Variants in KIRREL1 observed in about 807,000 individuals in gnomAD.
KIRREL1 encodes the protein kirre like nephrin family adhesion molecule 1.
A neutral mutation model predicts 83.3 loss-of-function variants in KIRREL1; 25 were observed. That is an observed-to-expected ratio of 0.30 (90% CI 0.22 to 0.42). The LOEUF is 0.42. Ranked by LOEUF, KIRREL1 falls within the 10% of genes least tolerant of loss-of-function variation. The pLI, the probability that KIRREL1 is intolerant of heterozygous loss-of-function variation, is 1.00. For synonymous variants in KIRREL1, 388 were observed against 410.4 expected (o/e 0.95, Z 0.66); for missense variants, 812 against 1,032.3 (o/e 0.79, Z 2.92).
Position 158,094,296 on chromosome 1 carries a change from C to G in KIRREL1, c.1720-17C>G. 1 of 1,593,128 alleles carries G rather than the reference C, an allele frequency of 6.3e-7. No homozygotes were observed. Among genetic ancestry groups the G allele is most frequent in the Non-Finnish European group, 8.5e-7 (1 of 1,170,754 alleles). On this transcript the variant is annotated splice_polypyrimidine_tract_variant and intron_variant, in intron 13 of 14. Transcript: ENST00000359209. The surrounding 1 kb of genome is among the most constrained non-coding windows in gnomAD (Gnocchi z 4.6). ...AGGGCTTCCGTCTGCTGACGTCCCACTCCTGCTGCTCCACAGTCGTTTAAG... is the reference window on the plus strand; with the variant it reads ...AGGGCTTCCGTCTGCTGACGTCCCAGTCCTGCTGCTCCACAGTCGTTTAAG...
At chr1:158,018,120 C>G (rs1295702883) in intron 1 of KIRREL1, among the ~76,000 whole-genome samples, 1 of 151,960 alleles carries the variant, frequency 6.6e-6, no homozygotes, top group Non-Finnish European at 1.5e-5. Context: ...GCCAGAGAGT[C>G]TTGTCCTTTT....
chr1:158,049,999 A>G (rs963068861), intron 1 of KIRREL1, among the ~76,000 whole-genome samples: 1 of 152,158 alleles, frequency 6.6e-6, no homozygotes, highest in Non-Finnish European at 1.5e-5. Flanking sequence ...ATGGTGAGCA[A>G]TTCCTGGAAA....
intron 4 of KIRREL1, 84 bp from the exon 5 acceptor site, chr1:158,086,512 A>G: frequency 7.0e-7 from 1 of 1,422,042 alleles, no homozygotes; most frequent in Non-Finnish European, 9.6e-7. Context: ...CTCCAGCCCA[A>G]GCCCATCTCT....
intron 1 of KIRREL1, among the ~76,000 whole-genome samples, chr1:158,033,080 A>G (rs544823750): frequency 1.9e-4 from 28 of 149,604 alleles, no homozygotes; most frequent in African/African-American, 5.9e-4. Flanking sequence ...CGGGATCCTC[A>G]CTTTCTTCTT....
chr1:158,036,546 T>C (rs1394955791), intron 1 of KIRREL1, among the ~76,000 whole-genome samples: 3 of 152,176 alleles, frequency 2.0e-5, no homozygotes, highest in Admixed American at 1.3e-4. Context: ...TTCCAGGTTT[T>C]GGCAGGACCT....
At chr1:157,999,219 A>G (rs1398625964) in intron 1 of KIRREL1, among the ~76,000 whole-genome samples, 2 of 152,178 alleles carry the variant, frequency 1.3e-5, no homozygotes, top group African/African-American at 4.8e-5. Flanking sequence ...ATCATTTGTG[A>G]AGCAAAACTT....
intron 1 of KIRREL1, among the ~76,000 whole-genome samples, chr1:158,017,773 C>A (rs1312270147): frequency 2.0e-5 from 3 of 146,848 alleles, no homozygotes; most frequent in Non-Finnish European, 3.0e-5. Context: ...TTTTTTTAAA[C>A]CTCTTTCCTA....
chr1:158,093,579 G>C, intron 12 of KIRREL1, 44 bp from the exon 13 acceptor site: 1 of 1,613,060 alleles, frequency 6.2e-7, no homozygotes, highest in Non-Finnish European at 8.5e-7. Context: ...CCGCTGCAGA[G>C]ACCAGCAGGA....
chr1:158,065,151 T>C (rs1171238219), intron 1 of KIRREL1, among the ~76,000 whole-genome samples: 2 of 152,006 alleles, frequency 1.3e-5, no homozygotes, highest in Admixed American at 1.3e-4. Flanking sequence ...GCCCAGCTCT[T>C]TGTGGATTTC....
chr1:158,094,354 C>T lies in KIRREL1; in HGVS notation c.1761C>T (p.Cys587=), dbSNP rs544161764. The T allele has an allele frequency of 2.1e-5, 34 of 1,612,132 alleles. No homozygotes were observed. The highest frequency in any genetic ancestry group is 5.0e-5 in the Admixed American group (3 of 59,744). ...DDVDLKQDLR[C]DTIDTREEYE... ...TGGATCTGAAGCAGGACCTGCGCTG[C>T]GACACCATCGACACCCGGGAGGAGT... The change falls in exon 14 of 15, where the codon TGC becomes TGT. Residue 587 remains cysteine, a synonymous_variant. Coordinates refer to ENST00000359209, the MANE Select transcript of KIRREL1 (RefSeq NM_018240.7). The surrounding 1 kb of genome is among the most constrained non-coding windows in gnomAD (Gnocchi z 4.6).
chr1:158,091,484 C>A lies in KIRREL1; in HGVS notation c.1399C>A (p.Gln467Lys). ...TINNVMEADF[Q>K]THYNCTAWNS... is the part of the protein sequence containing the mutation. ...CAACAATGTCATGGAGGCCGACTTT[C>A]AGACTCACTACAACTGCACCGCCTG... The change falls in exon 11 of 15, where the codon CAG becomes AAG. Residue 467 changes from glutamine to lysine, a missense_variant. Around this residue, in one of 3 missense-constraint regions of KIRREL1, gnomAD observed 472 missense variants for 626.8 expected, o/e 0.75. Transcript: ENST00000359209. The A allele has an allele frequency of 6.2e-7, 1 of 1,614,280 alleles. No individual in the cohort carries two copies. Among genetic ancestry groups the A allele is most frequent in the Non-Finnish European group, 8.5e-7 (1 of 1,180,052 alleles).
intron 1 of KIRREL1, among the ~76,000 whole-genome samples, chr1:158,071,540 G>A (rs949636578): frequency 6.6e-6 from 1 of 152,204 alleles, no homozygotes; most frequent in Non-Finnish European, 1.5e-5. Flanking sequence ...CTCACTGGCT[G>A]GCCCCAGACT....
chr1:158,059,231 C>G (rs7552600), intron 1 of KIRREL1, among the ~76,000 whole-genome samples: 3 of 152,002 alleles, frequency 2.0e-5, no homozygotes, highest in African/African-American at 7.2e-5. Flanking sequence ...TCTGCAGGAA[C>G]GTGCCTCTTC....
intron 1 of KIRREL1, among the ~76,000 whole-genome samples, chr1:158,020,600 C>CAAACAA (rs1659978311): frequency 1.2e-5 from 1 of 83,678 alleles, no homozygotes; most frequent in Non-Finnish European, 2.1e-5. Flanking sequence ...TACAGTAAAT[C>CAAACAA]AAAAAAAAAA....
intron 1 of KIRREL1, among the ~76,000 whole-genome samples, chr1:157,994,741 T>G (rs1659145828): frequency 6.6e-6 from 1 of 151,784 alleles, no homozygotes; most frequent in African/African-American, 2.4e-5. Flanking sequence ...ACAAACACCG[T>G]AAAACACTCA....
In KIRREL1 at chr1:158,084,451, G is replaced by A. The variant is rs1283678612; in HGVS notation, c.382G>A (p.Gly128Ser). ...CCCAGAGGACACCAGGATTGACGGA[G>A]GCCCTGTGATTCTACTGCAGGCAGG... ...IPPEDTRIDG[G>S]PVILLQAGTP... Residue 128 changes from glycine (G) to serine (S), a missense_variant, in exon 4 of 15, where the codon GGC (glycine) becomes AGC (serine). This residue lies in a region of KIRREL1 where 472 missense variants were observed against 626.8 expected (regional missense o/e 0.75). Coordinates refer to ENST00000359209, the MANE Select transcript of KIRREL1 (RefSeq NM_018240.7). 7.7e-6 allele frequency: 12 copies of A among 1,551,706 alleles called. No individual in the cohort carries two copies. The highest frequency in any genetic ancestry group is 5.9e-5 in the Admixed American group (3 of 50,986).
intron 4 of KIRREL1, among the ~76,000 whole-genome samples, chr1:158,085,068 G>A (rs1661978100): frequency 6.6e-6 from 1 of 152,170 alleles, no homozygotes; most frequent in South Asian, 2.1e-4. Context: ...TTCAGCGTCT[G>A]GTTGTCAGAT....
intron 1 of KIRREL1, among the ~76,000 whole-genome samples, chr1:158,052,686 T>C (rs1381401593): frequency 6.6e-6 from 1 of 151,138 alleles, no homozygotes; most frequent in Admixed American, 6.6e-5. Context: ...CTCCAGAGGA[T>C]AAGGCAGGAG....
At chr1:158,019,658 C>G (rs1197864834) in intron 1 of KIRREL1, among the ~76,000 whole-genome samples, 1 of 152,162 alleles carries the variant, frequency 6.6e-6, no homozygotes, top group Non-Finnish European at 1.5e-5. Flanking sequence ...AGGTCTCTCT[C>G]AGCTCTTCCA....
Sources: allele counts gnomAD v4.1 joint callset (sites outside exome capture counted in the v4.1 genomes callset), GRCh38; gene constraint gnomAD v4.1.1; regional missense constraint gnomAD v4.1.1; non-coding constraint Gnocchi (gnomAD v3.1); transcripts MANE v1.5; gene names NCBI Gene and HGNC (gene_info 2026-07-23, HGNC 2026-07-21).